The following DNMT3A variants were observed in gnomAD, a reference collection of about 807,000 sequenced individuals.
The protein encoded by DNMT3A is DNA (cytosine-5)-methyltransferase 3A.
In DNMT3A, 267 loss-of-function variants were observed where a neutral mutation model predicts 117.6. The observed-to-expected ratio is 2.27, with a 90% CI of 2.05 to 2.51. DNMT3A has a LOEUF of 2.51. DNMT3A is among the 30% of genes most tolerant of loss of function. The pLI is 0.00. For synonymous variants in DNMT3A, 432 were observed against 474.8 expected, an observed-to-expected ratio of 0.91 and a Z score of 1.17; for missense variants, 1,029 against 1,260.2, an observed-to-expected ratio of 0.82 and a Z score of 2.78.
intron 6 of DNMT3A, among the ~76,000 whole-genome samples, chr2:25,269,845 A>G (rs931898221): frequency 6.6e-6 from 1 of 152,174 alleles, no homozygotes; most frequent in Middle Eastern, 3.4e-3. Flanking sequence ...CTTATTTTCC[A>G]TTTCTTTCAT....
intron 3 of DNMT3A, among the ~76,000 whole-genome samples, chr2:25,288,468 T>C (rs776379911): frequency 3.9e-5 from 6 of 151,980 alleles, no homozygotes; most frequent in South Asian, 2.1e-4. Context: ...ACTGCCACCA[T>C]GCCTGGCTAA....
Position 25,246,407 on chromosome 2 carries a change from CA to C in DNMT3A, c.1280-99del, listed in dbSNP as rs2149301427. On this transcript the variant is annotated intron_variant, in intron 10 of 22. Transcript: ENST00000321117. ...TTACAGTGGGGTGCGGCCTGGTCTC[CA>C]ACTTGTTCCCACCTCCCAACTCTAC... 3 of 1,483,964 alleles carry C rather than the reference CA, an allele frequency of 2.0e-6. No individual in the cohort carries two copies. The East Asian group carries it at 6.8e-5, about 34-fold the overall frequency. The allele number at this position is 1,483,964 out of a possible 1,614,324, so 91.9% of individuals were successfully genotyped here. A position where few individuals can be genotyped will look rare whatever the true frequency, so the allele number is the denominator to read the frequency against.
Position 25,243,907 on chromosome 2 carries a change from T to C in DNMT3A, c.1927A>G (p.Ile643Val). The change falls in exon 16 of 23, where the codon ATC (isoleucine) becomes GTC (valine). Residue 643 changes from isoleucine to valine, a missense_variant. Ile to Val is a conservative substitution (Grantham distance 29, BLOSUM62 3). Coordinates refer to ENST00000321117, the MANE Select transcript of DNMT3A (RefSeq NM_022552.5). ...GGCCTGCACCCCTCACCTGTAGCGA[T>C]TCCATCAAAGAGAGACAGCACCCGG... is the stretch of plus-strand genomic sequence containing the variant. ...PIRVLSLFDGIATGLLVLKDL... is the reference protein window; with the variant it reads ...PIRVLSLFDGVATGLLVLKDL... 6.4e-7 allele frequency: 1 copy of C among 1,551,902 alleles called. No individual in the cohort carries two copies. The highest frequency in any genetic ancestry group is 8.7e-7 in the Non-Finnish European group (1 of 1,147,026).
intron 16 of DNMT3A, among the ~76,000 whole-genome samples, chr2:25,243,103 G>A (rs1177948234): frequency 2.0e-5 from 3 of 151,990 alleles, no homozygotes; most frequent in South Asian, 2.1e-4. Flanking sequence ...TCAAGAGATC[G>A]AGACCAGCCT....
At chr2:25,291,923 C>T (rs1456418811) in intron 3 of DNMT3A, among the ~76,000 whole-genome samples, 2 of 152,208 alleles carry the variant, frequency 1.3e-5, no homozygotes, top group African/African-American at 4.8e-5. Flanking sequence ...AAGTCAACCT[C>T]AAAGGATTTC....
chr2:25,288,896 T>C (rs1470724257), intron 3 of DNMT3A, among the ~76,000 whole-genome samples: 1 of 152,166 alleles, frequency 6.6e-6, no homozygotes, highest in Non-Finnish European at 1.5e-5. Flanking sequence ...CAGCCCCCTG[T>C]AGTTGGCAGG....
chr2:25,240,700 T>C lies in DNMT3A; in HGVS notation c.2113A>G (p.Ile705Val). 1 of 1,614,102 alleles carries C rather than the reference T, an allele frequency of 6.2e-7. No homozygotes were observed. The highest frequency in any genetic ancestry group is 8.5e-7 in the Non-Finnish European group (1 of 1,180,016). Residue 705 changes from isoleucine to valine, a missense_variant, in exon 18 of 23, where the codon ATT becomes GTT. Transcript: ENST00000321117. ...IQEWGPFDLVIGGSPCNDLSI... is the reference protein window; with the variant it reads ...IQEWGPFDLVVGGSPCNDLSI... Reference sequence around the variant, plus strand: ...AGGTCATTGCAGGGACTGCCCCCAATCACCAGATCGAATGGGCCCCACTCC... The same window carrying C: ...AGGTCATTGCAGGGACTGCCCCCAACCACCAGATCGAATGGGCCCCACTCC...
intron 1 of DNMT3A, among the ~76,000 whole-genome samples, chr2:25,332,836 A>G (rs924002172): frequency 6.6e-6 from 1 of 152,250 alleles, no homozygotes; most frequent in African/African-American, 2.4e-5. Context: ...TGTTGCTGGT[A>G]ATAAAACCAT....
At chr2:25,239,046 C>T (rs1177278136) in intron 20 of DNMT3A, 84 bp downstream of exon 20, 3 of 1,229,994 alleles carry the variant, frequency 2.4e-6, no homozygotes, top group Non-Finnish European at 3.5e-6. Flanking sequence ...CCAGAGAGGG[C>T]CCGGCTCAGG....
intron 3 of DNMT3A, 125 bp downstream of exon 3, chr2:25,300,014 T>C (rs1252135500): frequency 1.1e-6 from 1 of 882,538 alleles, no homozygotes; most frequent in East Asian, 3.0e-5. Flanking sequence ...GCTGGAGGGG[T>C]ATACCCCATC....
At chr2:25,280,072 A>C (rs1470749523) in intron 4 of DNMT3A, among the ~76,000 whole-genome samples, 1 of 152,082 alleles carries the variant, frequency 6.6e-6, no homozygotes, top group Non-Finnish European at 1.5e-5. Context: ...AGGAAGATCC[A>C]CCTGTCTGAA....
In DNMT3A at chr2:25,311,573, G is replaced by A. The variant is rs951589921; in HGVS notation, c.72+2340C>T. On this transcript the variant is annotated intron_variant, in intron 2 of 22. Coordinates refer to ENST00000321117, the MANE Select transcript of DNMT3A (RefSeq NM_022552.5). This position sits in a 1 kb window ranked among gnomAD's most constrained non-coding sequence, Gnocchi z 5.2. ...ACCCCTCCTGCTGGGGTGTGAGTGT[G>A]CACTCTATCAGCACCGGGATCTAGG... is the stretch of plus-strand genomic sequence containing the variant. 2.6e-5 allele frequency among the ~76,000 whole-genome samples: 4 copies of A among 152,184 alleles called. No homozygotes were observed. Among genetic ancestry groups the A allele is most frequent in the African/African-American group, 9.7e-5 (4 of 41,440 alleles).
chr2:25,267,522 C>T lies in DNMT3A; in HGVS notation c.639+7419G>A, dbSNP rs142271680. On this transcript the variant is annotated intron_variant, in intron 6 of 22. Transcript: ENST00000321117. ...CCAAGAAGTTGAGGCTGCAGTGAGC[C>T]ATGATCATGCCATTGTACTCCAGCC... Among the ~76,000 whole-genome samples, 177 of 152,246 alleles carry T rather than the reference C, an allele frequency of 1.2e-3. 2 individuals are homozygous for T. Among genetic ancestry groups the T allele is most frequent in the African/African-American group, 4.1e-3 (170 of 41,538 alleles).
At chr2:25,276,412 A>G (rs1020978414) in intron 4 of DNMT3A, among the ~76,000 whole-genome samples, 2 of 152,164 alleles carry the variant, frequency 1.3e-5, no homozygotes, top group African/African-American at 2.4e-5. Flanking sequence ...GTAGGTGCTC[A>G]ATACATGTTA....
At position 25,244,319 on chromosome 2, in the gene DNMT3A, CA is replaced by C; in HGVS notation, c.1686del (p.Cys562TrpfsTer89). 1 of 1,609,114 alleles carries C rather than the reference CA, an allele frequency of 6.2e-7. No individual in the cohort carries two copies. The highest frequency in any genetic ancestry group is 2.2e-5 in the East Asian group (1 of 44,662). On this transcript the variant is annotated frameshift_variant, in exon 15 of 23. Transcript: ENST00000321117. LOFTEE classifies it high-confidence loss of function. ...GCCCCCGGCCCCACCAAGAGGTCCACACACTCCACGCAAAAGCACCTGGAAG... is the reference window on the plus strand; with the variant it reads ...GCCCCCGGCCCCACCAAGAGGTCCACCACTCCACGCAAAAGCACCTGGAAG... ...NNCCRCFCVE[C>X]VDLLVGPGAA... is the part of the protein sequence containing the mutation.
chr2:25,277,262 C>G (rs538739563), intron 4 of DNMT3A, among the ~76,000 whole-genome samples: 1 of 152,308 alleles, frequency 6.6e-6, no homozygotes, highest in South Asian at 2.1e-4. Flanking sequence ...TTTCCGTCCT[C>G]TCTCCCACCA....
In DNMT3A at chr2:25,264,916, C is replaced by A. The variant is rs193103182; in HGVS notation, c.639+10025G>T. 7.2e-5 allele frequency among the ~76,000 whole-genome samples: 11 copies of A among 152,274 alleles called. 1 individual carries two copies. The highest frequency in any genetic ancestry group is 6.2e-4 in the South Asian group (3 of 4,814). On this transcript the variant is annotated intron_variant, in intron 6 of 22. Transcript: ENST00000321117. ...CAGATCATGATTCCAGTCTCACCCC[C>A]CAACCTGCCGTGATGGAATTTTAGA...
rs2035264050 is a variant in DNMT3A at position 25,337,647 on chromosome 2, ACAT to A, written c.-178+4176_-178+4178del. Among the ~76,000 whole-genome samples the A allele has an allele frequency of 6.6e-6, 1 of 152,206 alleles. No individual in the cohort carries two copies. The highest frequency in any genetic ancestry group is 2.1e-4 in the South Asian group (1 of 4,832). ...AGGTGGCGGCACACCACGTACACACACATCATGCACAGACACATGTGCACTGAA... is the reference window on the plus strand; with the variant it reads ...AGGTGGCGGCACACCACGTACACACACATGCACAGACACATGTGCACTGAA... On this transcript the variant is annotated intron_variant, in intron 1 of 22. Transcript: ENST00000321117. This position sits in a 1 kb window ranked among gnomAD's most constrained non-coding sequence, Gnocchi z 5.0.
At chr2:25,245,460 G>T in intron 12 of DNMT3A, 128 bp from the exon 13 acceptor site, 1 of 769,958 alleles carries the variant, frequency 1.3e-6, no homozygotes, top group East Asian at 2.6e-5. Context: ...AAGAGTCCAG[G>T]GTGCCCCACG....
Sources: allele counts gnomAD v4.1 joint callset (sites outside exome capture counted in the v4.1 genomes callset), GRCh38; gene constraint gnomAD v4.1.1; non-coding constraint Gnocchi (gnomAD v3.1); transcripts MANE v1.5; gene names NCBI Gene and HGNC (gene_info 2026-07-23, HGNC 2026-07-21).